PCDH9: variants seen among roughly 807,000 people sequenced by gnomAD.
The protein encoded by PCDH9 is protocadherin 9.
PCDH9 carries 24 observed loss-of-function variants against 70.6 expected under a neutral mutation model. That is an observed-to-expected ratio of 0.34 (90% CI 0.25 to 0.48). The LOEUF (loss-of-function observed/expected upper bound fraction) is 0.48, where lower values mean the gene tolerates loss of function less well. Among genes scored for constraint, PCDH9 ranks in the 20% least tolerant of loss-of-function variants. PCDH9 has a pLI of 0.99. For missense variants in PCDH9, 1,281 were observed against 1,503.6 expected (o/e 0.85, Z 2.45); for synonymous variants, 562 against 558.5 (o/e 1.01, Z -0.09).
chr13:66,910,024 T>G (rs1358706352), intron 2 of PCDH9, among the ~76,000 whole-genome samples: 3 of 152,140 alleles, frequency 2.0e-5, no homozygotes, highest in Non-Finnish European at 1.5e-5. Flanking sequence ...TTCCTCTATG[T>G]AAGTCCTCTT....
intron 4 of PCDH9, among the ~76,000 whole-genome samples, chr13:66,487,005 C>T (rs1419574448): frequency 2.0e-5 from 3 of 152,158 alleles, no homozygotes; most frequent in Non-Finnish European, 4.4e-5. Context: ...TTTTTTTTCA[C>T]ATGACTAGTG....
rs74095340 is a variant in PCDH9, at chr13:67,140,264, G to C, written c.3036+85141C>G. On this transcript the variant is annotated intron_variant, in intron 2 of 4. Transcript: ENST00000377865. Reference sequence around the variant, plus strand: ...CTGACCATTAATTATGATGGCTACAGGTAACAATCCATGCATAGCTTAGCT... The same window carrying C: ...CTGACCATTAATTATGATGGCTACACGTAACAATCCATGCATAGCTTAGCT... 6.9e-3 allele frequency among the ~76,000 whole-genome samples: 1,055 copies of C among 152,144 alleles called. 15 individuals carry two copies. The highest frequency in any genetic ancestry group is 0.024 in the African/African-American group (1,004 of 41,508).
intron 4 of PCDH9, among the ~76,000 whole-genome samples, chr13:66,456,930 A>T (rs1002859281): frequency 9.2e-5 from 14 of 152,096 alleles, no homozygotes; most frequent in Non-Finnish European, 4.4e-5. Flanking sequence ...TTATTTAAGG[A>T]TGTAAAATAT....
At chr13:66,908,324 TCTC>T (rs763150555) in intron 2 of PCDH9, among the ~76,000 whole-genome samples, 4 of 152,220 alleles carry the variant, frequency 2.6e-5, no homozygotes, top group Non-Finnish European at 5.9e-5. Flanking sequence ...CTTTCTTTCT[TCTC>T]CTGCTCTCTC....
chr13:66,833,661 T>C (rs1195251569), intron 3 of PCDH9, among the ~76,000 whole-genome samples: 1 of 152,210 alleles, frequency 6.6e-6, no homozygotes, highest in East Asian at 1.9e-4. Context: ...AATTGAAATA[T>C]AGTAATTTTG....
rs553717547 is a variant in PCDH9, at chr13:66,489,509, AC to A, written c.3340+141700del. ...CTATTTTTTGTACTAACAGGGTCTCACTATGTTGCCCAACCTTGTCTCAAAC... is the reference window on the plus strand; with the variant it reads ...CTATTTTTTGTACTAACAGGGTCTCATATGTTGCCCAACCTTGTCTCAAAC... On this transcript the variant is annotated intron_variant, in intron 4 of 4. Transcript: ENST00000377865. Among the ~76,000 whole-genome samples the A allele has an allele frequency of 4.6e-5, 7 of 152,224 alleles. No individual in the cohort carries two copies. The East Asian group carries it at 1.4e-3, about 29-fold the overall frequency.
At chr13:67,220,367 G>A (rs1259141917) in intron 2 of PCDH9, 1 of 151,664 alleles carries the variant, frequency 6.6e-6, no homozygotes, top group East Asian at 1.9e-4. Context: ...GAAACCTTAA[G>A]GTTCAATATA....
At chr13:66,637,121 A>G (rs1044418622) in intron 3 of PCDH9, among the ~76,000 whole-genome samples, 4 of 152,158 alleles carry the variant, frequency 2.6e-5, no homozygotes, top group African/African-American at 9.7e-5. Context: ...AAGTTCCTCA[A>G]TACGGTCTTA....
intron 4 of PCDH9, among the ~76,000 whole-genome samples, chr13:66,432,363 T>A (rs1177896044): frequency 6.6e-6 from 1 of 151,952 alleles, no homozygotes; most frequent in East Asian, 1.9e-4. Flanking sequence ...TTGAGGTAAT[T>A]TACTTAAGAA....
intron 2 of PCDH9, among the ~76,000 whole-genome samples, chr13:67,064,891 A>AATAGATAGATAGATAG (rs71110626): frequency 2.8e-4 from 41 of 148,966 alleles, no homozygotes; most frequent in South Asian, 6.4e-4. Flanking sequence ...CCTGTGTGGA[A>AATAGATAGATAGATAG]ATAGATAGAT....
chr13:66,792,247 T>C (rs895461209), intron 3 of PCDH9, among the ~76,000 whole-genome samples: 2 of 152,218 alleles, frequency 1.3e-5, no homozygotes, highest in African/African-American at 4.8e-5. Context: ...TACAACTGGA[T>C]AAATTATTCC....
chr13:66,918,573 T>C (rs1566292379), intron 2 of PCDH9, among the ~76,000 whole-genome samples: 2 of 151,210 alleles, frequency 1.3e-5, no homozygotes, highest in African/African-American at 2.4e-5. Flanking sequence ...AATTTACCAT[T>C]TTAACAGCTT....
At chr13:66,622,610 A>G (rs2077439353) in intron 4 of PCDH9, among the ~76,000 whole-genome samples, 1 of 151,926 alleles carries the variant, frequency 6.6e-6, no homozygotes, top group Admixed American at 6.5e-5. Flanking sequence ...TTGTGTGGAC[A>G]CTCTGTATCT....
intron 2 of PCDH9, among the ~76,000 whole-genome samples, chr13:66,997,432 C>G (rs570894728): frequency 6.6e-6 from 1 of 152,200 alleles, no homozygotes; most frequent in Non-Finnish European, 1.5e-5. Context: ...GAGGACAGCA[C>G]CAAGCCATTC....
At chr13:67,179,242 C>A (rs1365285287) in intron 2 of PCDH9, among the ~76,000 whole-genome samples, 2 of 152,040 alleles carry the variant, frequency 1.3e-5, no homozygotes, top group South Asian at 2.1e-4. Context: ...TTGTTCAATG[C>A]CCATAGTAGT....
chr13:67,214,993 C>T (rs2089568733), intron 2 of PCDH9: 1 of 113,102 alleles, frequency 8.8e-6, no homozygotes, highest in East Asian at 2.7e-4. Flanking sequence ...CTTAGGACAA[C>T]TTTATATGGA....
intron 2 of PCDH9, among the ~76,000 whole-genome samples, chr13:67,095,087 T>C (rs1451408358): frequency 1.3e-5 from 2 of 152,128 alleles, no homozygotes; most frequent in African/African-American, 4.8e-5. Flanking sequence ...ACAAATATTC[T>C]TTCAAATCGT....
chr13:66,854,623 C>CT (rs369097579), intron 3 of PCDH9, among the ~76,000 whole-genome samples: 94 of 148,116 alleles, frequency 6.3e-4, no homozygotes, highest in Non-Finnish European at 9.3e-4. Context: ...TTTAGTGCCA[C>CT]TTTTTTTTTT....
chr13:66,907,278 A>G (rs1346736154), intron 2 of PCDH9, among the ~76,000 whole-genome samples: 1 of 152,228 alleles, frequency 6.6e-6, no homozygotes, highest in Admixed American at 6.5e-5. Flanking sequence ...CCAATTTAAT[A>G]TAAATAACTG....
Sources: allele counts gnomAD v4.1 joint callset (sites outside exome capture counted in the v4.1 genomes callset), GRCh38; gene constraint gnomAD v4.1.1; transcripts MANE v1.5; gene names NCBI Gene and HGNC (gene_info 2026-07-23, HGNC 2026-07-21).